The following GK5 variants were observed in gnomAD, a reference collection of about 807,000 sequenced individuals.
The protein encoded by GK5 is ATP:glycerol 3-phosphotransferase 5.
A neutral mutation model predicts 77.3 loss-of-function variants in GK5; 39 were observed. The observed-to-expected ratio is 0.50, with a 90% CI of 0.39 to 0.66. GK5 has a LOEUF of 0.66. GK5 is among the 30% of genes least tolerant of loss of function. The pLI is 0.00. For synonymous variants in GK5, 211 were observed against 208.0 expected (o/e 1.01, Z -0.13); for missense variants, 487 against 633.8 (o/e 0.77, Z 2.49).
Position 142,185,150 on chromosome 3 carries a change from T to C in GK5, c.816+779A>G, listed in dbSNP as rs142798053. On this transcript the variant is annotated intron_variant, in intron 9 of 15. Transcript: ENST00000392993. ...AAAACAGGCTTGGCACAGTGACTCA[T>C]GCCTGTAGTCCCAGCACTTTGGGAG... The C allele has an allele frequency of 2.2e-5, 21 of 976,324 alleles. 1 individual carries two copies. The African/African-American group carries it at 3.7e-4, about 17-fold the overall frequency. 60.5% of individuals were successfully genotyped at this position (976,324 alleles called of 1,614,324 possible).
intron 5 of GK5, among the ~76,000 whole-genome samples, chr3:142,193,696 C>A (rs577829370): frequency 6.6e-6 from 1 of 152,010 alleles, no homozygotes; most frequent in Non-Finnish European, 1.5e-5. Context: ...CTTATTCATA[C>A]GTATTTTATT....
intron 3 of GK5, among the ~76,000 whole-genome samples, chr3:142,207,922 C>G (rs904184870): frequency 3.4e-4 from 52 of 152,170 alleles, no homozygotes; most frequent in Admixed American, 7.2e-4. Flanking sequence ...GAGCATGTTA[C>G]TTCTTTTCGC....
chr3:142,165,375 C>T lies in GK5; in HGVS notation c.*247G>A. 2.9e-6 allele frequency: 1 copy of T among 344,680 alleles called. No individual in the cohort carries two copies. The highest frequency in any genetic ancestry group is 5.1e-6 in the Non-Finnish European group (1 of 194,246). The allele number at this position is 344,680 out of a possible 1,614,324, so 21.4% of individuals were successfully genotyped here. A position where few individuals can be genotyped will look rare whatever the true frequency, so the allele number is the denominator to read the frequency against. ...AAATGTGGTTGGAAATGACTAATGTCCTTTGGAATTTGCTACAAAATAGAA... is the reference window on the plus strand; with the variant it reads ...AAATGTGGTTGGAAATGACTAATGTTCTTTGGAATTTGCTACAAAATAGAA... On this transcript the variant is annotated 3_prime_UTR_variant, in exon 16 of 16. Transcript: ENST00000392993.
chr3:142,225,542 A>C lies in GK5; in HGVS notation c.-87T>G. On this transcript the variant is annotated 5_prime_UTR_variant, in exon 1 of 16. Coordinates refer to ENST00000392993, the MANE Select transcript of GK5 (RefSeq NM_001039547.3). ...TGCTCCAGAGTCCCCGGGCGGCCCA[A>C]CCCGGGCCCCAACCCGGCTCAGCCG... 1 of 1,473,612 alleles carries C rather than the reference A, an allele frequency of 6.8e-7. No homozygotes were observed. Among genetic ancestry groups the C allele is most frequent in the Non-Finnish European group, 9.0e-7 (1 of 1,106,446 alleles). The allele number at this position is 1,473,612 out of a possible 1,614,324, so 91.3% of individuals were successfully genotyped here. A position where few individuals can be genotyped will look rare whatever the true frequency, so the allele number is the denominator to read the frequency against.
chr3:142,212,461 G>A (rs925165782), intron 3 of GK5, among the ~76,000 whole-genome samples: 2 of 152,010 alleles, frequency 1.3e-5, no homozygotes, highest in Non-Finnish European at 2.9e-5. Flanking sequence ...ACCTGAGCCT[G>A]GGAAGTTGAG....
intron 10 of GK5, among the ~76,000 whole-genome samples, chr3:142,182,084 T>C (rs1443656917): frequency 6.6e-6 from 1 of 152,164 alleles, no homozygotes; most frequent in Non-Finnish European, 1.5e-5. Context: ...AAAGAAGAGC[T>C]TGAGGAGGGA....
chr3:142,188,489 G>A (rs2063805342), intron 5 of GK5, among the ~76,000 whole-genome samples: 1 of 152,178 alleles, frequency 6.6e-6, no homozygotes, highest in Non-Finnish European at 1.5e-5. Flanking sequence ...AGCCGAGACT[G>A]CACTCCAGCC....
intron 15 of GK5, among the ~76,000 whole-genome samples, chr3:142,168,071 C>A (rs2063493576): frequency 6.6e-6 from 1 of 152,096 alleles, no homozygotes; most frequent in Admixed American, 6.6e-5. Flanking sequence ...TTACTTAAAG[C>A]ATTTTAAATG....
At position 142,225,531 on chromosome 3, in the gene GK5, C is replaced by T; in HGVS notation, c.-76G>A. 1 of 1,520,230 alleles carries T rather than the reference C, an allele frequency of 6.6e-7. No individual in the cohort carries two copies. Among genetic ancestry groups the T allele is most frequent in the Non-Finnish European group, 8.8e-7 (1 of 1,138,544 alleles). The allele number at this position is 1,520,230 out of a possible 1,614,324, so 94.2% of individuals were successfully genotyped here. ...ACAAATCCCAATGCTCCAGAGTCCC[C>T]GGGCGGCCCAACCCGGGCCCCAACC... On this transcript the variant is annotated 5_prime_UTR_variant, in exon 1 of 16. Transcript: ENST00000392993.
chr3:142,225,439 G>C lies in GK5; in HGVS notation c.17C>G (p.Thr6Arg), dbSNP rs1033976047. MSGLL[T>R]DPEQRAQEPR... ...CTCCTGCGCTCTCTGCTCCGGGTCC[G>C]TGAGCAGCCCCGACATCCCGATCCC... is the stretch of plus-strand genomic sequence containing the variant. Residue 6 changes from threonine (T) to arginine (R), a missense_variant, in exon 1 of 16, where the codon ACG becomes AGG. Transcript: ENST00000392993. The C allele has an allele frequency of 6.2e-7, 1 of 1,603,020 alleles. No homozygotes were observed. The highest frequency in any genetic ancestry group is 1.3e-5 in the African/African-American group (1 of 74,474).
chr3:142,158,217 C>G lies in GK5; in HGVS notation c.*7405G>C, dbSNP rs1472318920. The G allele has an allele frequency of 2.6e-5, 4 of 152,632 alleles. No individual in the cohort carries two copies. In the East Asian group the frequency reaches 7.7e-4, roughly 29 times the overall value. 9.5% of individuals were successfully genotyped at this position (152,632 alleles called of 1,614,324 possible). On this transcript the variant is annotated 3_prime_UTR_variant, in exon 16 of 16. Coordinates refer to ENST00000392993, the MANE Select transcript of GK5 (RefSeq NM_001039547.3). ...CCGCCAGCCGTGGCCTCCCAAAGTGCTGGGACTACACGTGTGAGCCACCAT... is the reference window on the plus strand; with the variant it reads ...CCGCCAGCCGTGGCCTCCCAAAGTGGTGGGACTACACGTGTGAGCCACCAT...
At chr3:142,179,902 C>CA (rs533577873) in intron 11 of GK5, among the ~76,000 whole-genome samples, 230 of 152,286 alleles carry the variant, frequency 1.5e-3, no homozygotes, top group African/African-American at 5.3e-3. Context: ...GGCCTAGACT[C>CA]AGAGGTAGCC....
intron 1 of GK5, among the ~76,000 whole-genome samples, chr3:142,220,683 T>A (rs2064332576): frequency 6.6e-6 from 1 of 152,164 alleles, no homozygotes; most frequent in South Asian, 2.1e-4. Flanking sequence ...GTTCATTTTA[T>A]CCCCAGCATC....
intron 5 of GK5, among the ~76,000 whole-genome samples, chr3:142,188,804 A>AC (rs1312767373): frequency 6.6e-6 from 1 of 152,180 alleles, no homozygotes; most frequent in Non-Finnish European, 1.5e-5. Context: ...AAAAGCTTAT[A>AC]CCCCCAAAGC....
intron 15 of GK5, among the ~76,000 whole-genome samples, chr3:142,170,032 C>T (rs1199845005): frequency 6.6e-6 from 1 of 152,046 alleles, no homozygotes; most frequent in Non-Finnish European, 1.5e-5. Flanking sequence ...ACTATCTATC[C>T]AGAAAGTTTA....
At chr3:142,172,527 T>A (rs1002571007) in intron 12 of GK5, 71 bp from the exon 13 acceptor site, 6 of 719,414 alleles carry the variant, frequency 8.3e-6, no homozygotes, top group Non-Finnish European at 1.4e-5. Context: ...GGAAATACTA[T>A]ACAACAACAA....
chr3:142,168,904 A>G (rs62282069), intron 15 of GK5, among the ~76,000 whole-genome samples: 17,605 of 152,074 alleles, frequency 0.12, 1,190 homozygotes, highest in Middle Eastern at 0.18. Flanking sequence ...ACAAGTTGCA[A>G]TAGGGATATT....
At chr3:142,222,654 T>A (rs995984966) in intron 1 of GK5, among the ~76,000 whole-genome samples, 1 of 152,154 alleles carries the variant, frequency 6.6e-6, no homozygotes, top group Non-Finnish European at 1.5e-5. Flanking sequence ...GTGCCTGTAA[T>A]CCCAGAGCTT....
chr3:142,161,083 G>GTT lies in GK5; in HGVS notation c.*4537_*4538dup, dbSNP rs377275339. ...CTCACTACAGAGTAGTTCTTCTTTT[G>GTT]TTTTTTTGTTTTTGTTTTTGTTTTT... On this transcript the variant is annotated 3_prime_UTR_variant, in exon 16 of 16. Transcript: ENST00000392993. The GTT allele has an allele frequency of 1.6e-5, 2 of 121,348 alleles. No individual in the cohort carries two copies. The highest frequency in any genetic ancestry group is 2.6e-5 in the African/African-American group (1 of 38,406). The allele number at this position is 121,348 out of a possible 1,614,324, so 7.5% of individuals were successfully genotyped here.
Sources: gnomAD v4.1 joint callset for allele counts (sites outside exome capture counted in the v4.1 genomes callset) on GRCh38, gnomAD v4.1.1 for gene constraint, MANE v1.5 for transcripts, NCBI Gene and HGNC (gene_info 2026-07-23, HGNC 2026-07-21) for gene names.